The following NIPBL variants were observed in gnomAD, a reference collection of about 807,000 sequenced individuals.
NIPBL encodes nipped-B-like protein.
A neutral mutation model predicts 321.8 loss-of-function variants in NIPBL; 19 were observed. The observed-to-expected ratio is 0.06, with a 90% CI of 0.04 to 0.09. NIPBL has a LOEUF of 0.09. Among genes scored for constraint, NIPBL ranks in the 10% least tolerant of loss-of-function variants. The probability of loss-of-function intolerance (pLI) is 1.00; values close to 1 mark genes in which losing one functional copy is unlikely to be tolerated. For synonymous variants in NIPBL, 1,106 were observed against 1,114.1 expected, an observed-to-expected ratio of 0.99 and a Z score of 0.14; for missense variants, 2,210 against 3,327.0, an observed-to-expected ratio of 0.66 and a Z score of 8.26.
At chr5:36,913,442 G>A (rs1336047646) in intron 1 of NIPBL, among the ~76,000 whole-genome samples, 1 of 149,794 alleles carries the variant, frequency 6.7e-6, no homozygotes, top group East Asian at 2.0e-4. Flanking sequence ...CCAGGCTGGA[G>A]TGCAGTGGCA....
intron 30 of NIPBL, 89 bp downstream of exon 30, chr5:37,024,808 C>A: frequency 1.0e-6 from 1 of 989,842 alleles, no homozygotes; most frequent in Non-Finnish European, 1.5e-6. Flanking sequence ...TTAAATATAT[C>A]CAAACACTTT....
At chr5:36,941,356 T>C (rs183713247) in intron 1 of NIPBL, among the ~76,000 whole-genome samples, 22 of 152,218 alleles carry the variant, frequency 1.4e-4, no homozygotes, top group African/African-American at 4.6e-4. Context: ...TACTTCACTT[T>C]CTTAAACAAC....
At chr5:36,967,190 T>C (rs1356258748) in intron 6 of NIPBL, among the ~76,000 whole-genome samples, 1 of 152,054 alleles carries the variant, frequency 6.6e-6, no homozygotes, top group Non-Finnish European at 1.5e-5. Context: ...ATTTAATAAA[T>C]ATATGAAATT....
chr5:37,016,868 A>G (rs867149461), intron 23 of NIPBL, 151 bp from the exon 24 acceptor site: 3 of 544,872 alleles, frequency 5.5e-6, no homozygotes, highest in African/African-American at 3.9e-5. Flanking sequence ...GAAAATCAAA[A>G]GGCAAAAATG....
chr5:37,021,676 A>G (rs1749659469), intron 27 of NIPBL, among the ~76,000 whole-genome samples: 1 of 152,222 alleles, frequency 6.6e-6, no homozygotes, highest in Non-Finnish European at 1.5e-5. Context: ...GCGAGACTCC[A>G]TCCCAAAAAA....
intron 1 of NIPBL, among the ~76,000 whole-genome samples, chr5:36,927,227 CACTT>C (rs1388539864): frequency 9.9e-5 from 15 of 152,134 alleles, no homozygotes; most frequent in Admixed American, 2.6e-4. Flanking sequence ...ATTTATATAA[CACTT>C]ACATATTATA....
At chr5:36,967,878 T>C (rs1019923089) in intron 6 of NIPBL, among the ~76,000 whole-genome samples, 3 of 151,982 alleles carry the variant, frequency 2.0e-5, no homozygotes, top group Non-Finnish European at 4.4e-5. Context: ...AACGGGCAGA[T>C]TGCTTGAAGC....
chr5:36,911,044 T>TA (rs1748009411), intron 1 of NIPBL, among the ~76,000 whole-genome samples: 1 of 152,272 alleles, frequency 6.6e-6, no homozygotes, highest in South Asian at 2.1e-4. Context: ...AAAGATCATT[T>TA]AAAAAAATAT....
chr5:37,065,798 T>TA lies in NIPBL; in HGVS notation c.*907dup, dbSNP rs1401298953. On this transcript the variant is annotated 3_prime_UTR_variant, in exon 47 of 47. Transcript: ENST00000282516. Reference sequence around the variant, plus strand: ...ACACATTTTCAAGAGTACATTTTGATATAAAAAGAAACTATAGTTTATTCC... The same window carrying TA: ...ACACATTTTCAAGAGTACATTTTGATAATAAAAAGAAACTATAGTTTATTCC... The TA allele has an allele frequency of 1.3e-5, 2 of 152,642 alleles. No homozygotes were observed. Among genetic ancestry groups the TA allele is most frequent in the East Asian group, 3.8e-4 (2 of 5,202 alleles). 9.5% of individuals were successfully genotyped at this position (152,642 alleles called of 1,614,324 possible). A position where few individuals can be genotyped will look rare whatever the true frequency, so the allele number is the denominator to read the frequency against.
chr5:36,985,184 A>C lies in NIPBL; in HGVS notation c.2004A>C (p.Ile668=). 6.2e-7 allele frequency: 1 copy of C among 1,614,000 alleles called. No individual in the cohort carries two copies. Residue 668 remains isoleucine (I), a synonymous_variant, in exon 10 of 47, where the codon ATA becomes ATC. Transcript: ENST00000282516. ...AATGCAAACAAAACGAGAGCACCAT[A>C]GTTGAGCCTAAACAAAATGAAAATA... ...TTECKQNEST[I]VEPKQNENRL...
chr5:36,932,756 G>A (rs1490252611), intron 1 of NIPBL, among the ~76,000 whole-genome samples: 3 of 93,390 alleles, frequency 3.2e-5, no homozygotes, highest in African/African-American at 1.3e-4. Flanking sequence ...TTCTTTTAGT[G>A]TACTATTTAA....
At chr5:37,051,957 C>A in intron 41 of NIPBL, 71 bp downstream of exon 41, 1 of 1,055,244 alleles carries the variant, frequency 9.5e-7, no homozygotes, top group Non-Finnish European at 1.5e-6. Context: ...TTGATAAATG[C>A]TCTGCCCACA....
Position 37,045,688 on chromosome 5 carries a change from A to G in NIPBL, c.6498+91A>G, listed in dbSNP as rs115262535. On this transcript the variant is annotated intron_variant, in intron 37 of 46. Coordinates refer to ENST00000282516, the MANE Select transcript of NIPBL (RefSeq NM_133433.4). Reference sequence around the variant, plus strand: ...ACAGTAGTGACCCAGGATGAAGGCAACATTAGAGTAGTCTGGTTTAATGAA... The same window carrying G: ...ACAGTAGTGACCCAGGATGAAGGCAGCATTAGAGTAGTCTGGTTTAATGAA... The G allele has an allele frequency of 8.9e-3, 11,538 of 1,298,962 alleles. 94 individuals are homozygous for G. The highest frequency in any genetic ancestry group is 0.022 in the South Asian group (1,812 of 83,160). The allele number at this position is 1,298,962 out of a possible 1,614,324, so 80.5% of individuals were successfully genotyped here.
Position 36,995,659 on chromosome 5 carries a change from T to A in NIPBL, c.3159T>A (p.Pro1053=). 1 of 1,613,520 alleles carries A rather than the reference T, an allele frequency of 6.2e-7. No homozygotes were observed. The highest frequency in any genetic ancestry group is 8.5e-7 in the Non-Finnish European group (1 of 1,179,554). Residue 1053 remains proline, a synonymous_variant, in exon 11 of 47, where the codon CCT becomes CCA. Transcript: ENST00000282516. ...AATCAGTGTTAAAAGAATTACCCCC[T>A]GAACTCCTGGCAGAAATTGAGTCCA... ...IDQSVLKELP[P]ELLAEIESTM...
At chr5:36,897,787 A>T (rs932232515) in intron 1 of NIPBL, among the ~76,000 whole-genome samples, 21 of 151,674 alleles carry the variant, frequency 1.4e-4, no homozygotes, top group African/African-American at 4.6e-4. Flanking sequence ...GTATATAGGG[A>T]TGCAAAATAA....
rs529747512 is a variant in NIPBL at position 37,040,193 on chromosome 5, A to G, written c.6108+1455A>G. Among the ~76,000 whole-genome samples the G allele has an allele frequency of 4.6e-5, 7 of 152,298 alleles. No homozygotes were observed. The South Asian group carries it at 1.2e-3, about 27-fold the overall frequency. ...AATAGTCCTTGCATGATTTTGAACCAGTGATTTTTTTAAAACAAAATCACT... is the reference window on the plus strand; with the variant it reads ...AATAGTCCTTGCATGATTTTGAACCGGTGATTTTTTTAAAACAAAATCACT... On this transcript the variant is annotated intron_variant, in intron 34 of 46. Coordinates refer to ENST00000282516, the MANE Select transcript of NIPBL (RefSeq NM_133433.4).
chr5:37,014,550 TTA>T (rs1239407862), intron 21 of NIPBL, 131 bp from the exon 22 acceptor site: 1 of 588,194 alleles, frequency 1.7e-6, no homozygotes, highest in African/African-American at 1.9e-5. Flanking sequence ...GCTTCTCTTA[TTA>T]TATATAATGT....
chr5:36,971,820 G>T, intron 7 of NIPBL, 125 bp from the exon 8 acceptor site: 2 of 1,493,818 alleles, frequency 1.3e-6, no homozygotes, highest in East Asian at 2.5e-5. Flanking sequence ...AAGTGCAGAA[G>T]AATTATGCTT....
chr5:37,040,413 T>C (rs1752204298), intron 34 of NIPBL, among the ~76,000 whole-genome samples: 1 of 152,170 alleles, frequency 6.6e-6, no homozygotes, highest in African/African-American at 2.4e-5. Flanking sequence ...CATACTTTTA[T>C]AGTTGTGGAC....
Sources: allele counts gnomAD v4.1 joint callset (sites outside exome capture counted in the v4.1 genomes callset), GRCh38; gene constraint gnomAD v4.1.1; transcripts MANE v1.5; gene names NCBI Gene and HGNC (gene_info 2026-07-23, HGNC 2026-07-21).